Variants in FAAH2 observed in about 807,000 individuals in gnomAD.
The protein encoded by FAAH2 is fatty-acid amide hydrolase 2.
A neutral mutation model predicts 36.9 loss-of-function variants in FAAH2; 60 were observed. The observed-to-expected ratio is 1.63, with a 90% confidence interval of 1.32 to 2.02. The LOEUF (loss-of-function observed/expected upper bound fraction) is 2.02. Ranked by LOEUF, FAAH2 falls within the 30% of genes most tolerant of loss-of-function variation. FAAH2 has a pLI of 0.00. For synonymous variants in FAAH2, 214 were observed against 143.8 expected (o/e 1.49, Z -3.49); for missense variants, 689 against 397.5 (o/e 1.73, Z -6.23).
intron 5 of FAAH2, among the ~76,000 whole-genome samples, chrX:57,373,058 TC>T (rs765653162): frequency 1.8e-5 from 2 of 111,828 alleles, no homozygotes; most frequent in Non-Finnish European, 3.8e-5. Flanking sequence ...AATATTTCAT[TC>T]CTCTTTATGG....
chrX:57,168,192 C>G, the FAAH2 span, among the ~76,000 whole-genome samples: 1 of 110,944 alleles, frequency 9.0e-6, no homozygotes, highest in Non-Finnish European at 1.9e-5. Context: ...CTGACACTTA[C>G]AAGATGCTCC....
At position 57,304,567 on chromosome X, in the gene FAAH2, T is replaced by A. The variant is rs4506364; in HGVS notation, c.276-6026T>A. 2.4e-3 allele frequency among the ~76,000 whole-genome samples: 271 copies of A among 112,095 alleles called. 1 individual carries two copies. The highest frequency in any genetic ancestry group is 8.3e-3 in the African/African-American group (257 of 30,888). ...GTAAACCAATTTTTGGCAAGGTGAATAACATTACTGTGATTGCACTAAACA... is the reference window on the plus strand; with the variant it reads ...GTAAACCAATTTTTGGCAAGGTGAAAAACATTACTGTGATTGCACTAAACA... On this transcript the variant is annotated intron_variant, in intron 2 of 10. Transcript: ENST00000374900.
chrX:57,192,530 A>G, the FAAH2 span, among the ~76,000 whole-genome samples: 1 of 111,365 alleles, frequency 9.0e-6, no homozygotes, highest in African/African-American at 3.3e-5. Flanking sequence ...TGTGTTTCTG[A>G]TATTAAAGGA....
At chrX:57,352,151 CATATATATACACAT>C (rs2054039916) in intron 5 of FAAH2, among the ~76,000 whole-genome samples, 1 of 74,537 alleles carries the variant, frequency 1.3e-5, no homozygotes, top group African/African-American at 5.3e-5. Flanking sequence ...TATATATGCA[CATATATATACACAT>C]ATATATATAT....
At chrX:57,476,462 C>A (rs2057270545) in intron 10 of FAAH2, among the ~76,000 whole-genome samples, 1 of 111,337 alleles carries the variant, frequency 9.0e-6, no homozygotes, top group Non-Finnish European at 1.9e-5. Context: ...GATTTTGTCA[C>A]TGGTTCTGTT....
At chrX:57,251,102 C>A in the FAAH2 span, among the ~76,000 whole-genome samples, 1 of 111,619 alleles carries the variant, frequency 9.0e-6, no homozygotes, top group South Asian at 3.7e-4. Context: ...AAATTCTCAA[C>A]AAAACGCTGG....
intron 7 of FAAH2, among the ~76,000 whole-genome samples, chrX:57,382,498 C>A (rs1022463494): frequency 9.0e-6 from 1 of 111,644 alleles, no homozygotes; most frequent in Non-Finnish European, 1.9e-5. Flanking sequence ...GGGGATATCA[C>A]CACCAATCCC....
At chrX:57,288,662 C>G (rs1175500235) in intron 1 of FAAH2, among the ~76,000 whole-genome samples, 1 of 110,734 alleles carries the variant, frequency 9.0e-6, no homozygotes, top group Non-Finnish European at 1.9e-5. Context: ...AAAAGCATTT[C>G]TTAACTTTTT....
intron 7 of FAAH2, chrX:57,394,815 G>A: frequency 9.1e-7 from 1 of 1,094,594 alleles, no homozygotes. Flanking sequence ...TCCTCATCCA[G>A]ATTGGCAGTC....
intron 8 of FAAH2, among the ~76,000 whole-genome samples, chrX:57,436,797 C>T (rs2056420012): frequency 9.0e-6 from 1 of 110,898 alleles, no homozygotes; most frequent in Admixed American, 9.6e-5. Context: ...AATGGATTTT[C>T]CATACACACA....
At chrX:57,164,931 C>A in the FAAH2 span, among the ~76,000 whole-genome samples, 2 of 112,211 alleles carry the variant, frequency 1.8e-5, no homozygotes, top group Admixed American at 9.4e-5. Context: ...TCAGGTTGGA[C>A]CTTCGTTATC....
the FAAH2 span, among the ~76,000 whole-genome samples, chrX:57,155,407 C>T: frequency 2.7e-5 from 3 of 111,394 alleles, no homozygotes; most frequent in Admixed American, 9.5e-5. Flanking sequence ...ATTATGGCTG[C>T]CTCTGCTTTG....
chrX:57,313,393 G>T (rs2052749009), intron 3 of FAAH2, among the ~76,000 whole-genome samples: 1 of 107,276 alleles, frequency 9.3e-6, no homozygotes, highest in African/African-American at 3.4e-5. Flanking sequence ...AGATAATGGT[G>T]GCCACATACT....
Position 57,331,694 on chromosome X carries a change from C to A in FAAH2, c.509C>A (p.Pro170His). The A allele has an allele frequency of 8.3e-7, 1 of 1,211,159 alleles. No individual in the cohort carries two copies. Among genetic ancestry groups the A allele is most frequent in the Non-Finnish European group, 1.1e-6 (1 of 895,085 alleles). ...TTACTGAAGGGAGCTGGTGCCATTC[C>A]TCTTGGCATAACCAACTGTAGTGAG... ...VALLKGAGAI[P>H]LGITNCSELC... is the part of the protein sequence containing the mutation. Residue 170 changes from proline to histidine, a missense_variant, in exon 4 of 11, where the codon CCT (proline) becomes CAT (histidine). Coordinates refer to ENST00000374900, the MANE Select transcript of FAAH2 (RefSeq NM_174912.4).
At chrX:57,420,314 A>T (rs370164804) in intron 7 of FAAH2, among the ~76,000 whole-genome samples, 3 of 111,710 alleles carry the variant, frequency 2.7e-5, no homozygotes, top group East Asian at 5.6e-4. Flanking sequence ...CTTGGGCAGT[A>T]TGGCCATTTT....
chrX:57,149,353 C>G, the FAAH2 span, among the ~76,000 whole-genome samples: 1 of 111,267 alleles, frequency 9.0e-6, no homozygotes, highest in Admixed American at 9.5e-5. Flanking sequence ...TTCTTGTACC[C>G]CTGGTAGAAT....
chrX:57,481,513 G>A lies in FAAH2; in HGVS notation c.1424-7244G>A, dbSNP rs183710115. ...AGTCAGGCCTCTCTTCTGCAGGTCT[G>A]CTGCGGTTGCTGGACGTCCAATCCA... On this transcript the variant is annotated intron_variant, in intron 10 of 10. Transcript: ENST00000374900. 4.7e-4 allele frequency among the ~76,000 whole-genome samples: 53 copies of A among 112,019 alleles called. 1 individual carries two copies. Among genetic ancestry groups the A allele is most frequent in the African/African-American group, 1.7e-3 (53 of 30,840 alleles).
At chrX:57,431,275 G>C (rs2056287320) in intron 7 of FAAH2, among the ~76,000 whole-genome samples, 1 of 111,502 alleles carries the variant, frequency 9.0e-6, no homozygotes, top group Admixed American at 9.5e-5. Flanking sequence ...TGGTATGGTG[G>C]GTCCTAACAA....
At chrX:57,397,104 A>G (rs1420063370) in intron 7 of FAAH2, among the ~76,000 whole-genome samples, 1 of 111,650 alleles carries the variant, frequency 9.0e-6, no homozygotes, top group African/African-American at 3.3e-5. Context: ...AGAGTAGCTC[A>G]GTTTTCTGTT....
Sources: allele counts gnomAD v4.1 joint callset (sites outside exome capture counted in the v4.1 genomes callset), GRCh38; gene constraint gnomAD v4.1.1; transcripts MANE v1.5; gene names NCBI Gene and HGNC (gene_info 2026-07-23, HGNC 2026-07-21).